Variants in DYM observed in about 807,000 individuals in gnomAD.
DYM encodes dymeclin.
A neutral mutation model predicts 93.1 loss-of-function variants in DYM; 78 were observed. That is an observed-to-expected ratio of 0.84 (90% CI 0.70 to 1.01). DYM has a LOEUF of 1.01. DYM is among the 50% of genes least tolerant of loss of function. DYM has a pLI of 0.00. For synonymous variants in DYM, 321 were observed against 319.7 expected, an observed-to-expected ratio of 1.00 and a Z score of -0.04; for missense variants, 789 against 845.0, an observed-to-expected ratio of 0.93 and a Z score of 0.82.
At chr18:49,447,422 T>C (rs2082183519) in intron 1 of DYM, 1 of 152,252 alleles carries the variant, frequency 6.6e-6, no homozygotes, top group African/African-American at 2.4e-5. Flanking sequence ...ACACCCCAGA[T>C]AGTGTAGCCA....
intron 3 of DYM, among the ~76,000 whole-genome samples, chr18:49,389,507 C>T (rs1026411109): frequency 5.9e-5 from 9 of 151,662 alleles, no homozygotes; most frequent in Admixed American, 2.0e-4. Context: ...TGCTTTTTTT[C>T]GCCCCTAGAT....
intron 15 of DYM, among the ~76,000 whole-genome samples, chr18:49,157,154 T>C (rs942000083): frequency 3.9e-5 from 6 of 152,172 alleles, no homozygotes; most frequent in Non-Finnish European, 8.8e-5. Flanking sequence ...GTCAAGTAAC[T>C]ACCCAGATGT....
chr18:49,284,500 A>G (rs900160409), intron 9 of DYM, among the ~76,000 whole-genome samples: 3 of 152,182 alleles, frequency 2.0e-5, no homozygotes, highest in Non-Finnish European at 4.4e-5. Context: ...AGTAGATACC[A>G]TATACTGAAT....
chr18:49,286,649 G>T, intron 8 of DYM, 33 bp from the exon 9 acceptor site: 1 of 1,595,162 alleles, frequency 6.3e-7, no homozygotes, highest in Non-Finnish European at 8.6e-7. Flanking sequence ...AGGATGTGCT[G>T]CCACCAATGA....
intron 17 of DYM, among the ~76,000 whole-genome samples, chr18:49,056,671 G>A (rs1309866153): frequency 6.6e-6 from 1 of 151,896 alleles, no homozygotes; most frequent in African/African-American, 2.4e-5. Context: ...CCTAGTAGCA[G>A]GGACTACAGG....
chr18:49,448,834 G>A (rs1048726148), intron 1 of DYM, among the ~76,000 whole-genome samples: 11 of 152,196 alleles, frequency 7.2e-5, no homozygotes, highest in African/African-American at 2.7e-4. Context: ...CTTTTGCACA[G>A]GGCATGGCCT....
At chr18:49,068,601 GAAC>G (rs1474583149) in intron 17 of DYM, among the ~76,000 whole-genome samples, 1 of 152,198 alleles carries the variant, frequency 6.6e-6, no homozygotes, top group Admixed American at 6.5e-5. Flanking sequence ...TGACAAGCCA[GAAC>G]AACTCCAAAA....
intron 8 of DYM, among the ~76,000 whole-genome samples, chr18:49,317,579 CT>C (rs1568235600): frequency 1.2e-3 from 14 of 11,736 alleles, no homozygotes; most frequent in African/African-American, 9.2e-3. Flanking sequence ...CTCTCTCTCT[CT>C]CTCTCTCTCT....
chr18:49,236,626 G>A (rs1000435705), intron 13 of DYM, among the ~76,000 whole-genome samples: 4 of 152,180 alleles, frequency 2.6e-5, no homozygotes, highest in African/African-American at 9.7e-5. Flanking sequence ...GCAAGATTCA[G>A]GAAGGGAAAT....
At chr18:49,411,839 G>GA (rs957943361) in intron 2 of DYM, 27 of 152,044 alleles carry the variant, frequency 1.8e-4, no homozygotes, top group South Asian at 2.1e-4. Flanking sequence ...GATATAACCT[G>GA]AAAAAATCAA....
chr18:49,059,338 C>G (rs1025052508), intron 17 of DYM, among the ~76,000 whole-genome samples: 3 of 152,174 alleles, frequency 2.0e-5, no homozygotes, highest in Non-Finnish European at 4.4e-5. Flanking sequence ...TTATAAGCCT[C>G]CCATTCCACA....
At chr18:49,088,821 C>A (rs1013777317) in intron 17 of DYM, among the ~76,000 whole-genome samples, 1 of 152,086 alleles carries the variant, frequency 6.6e-6, no homozygotes, top group Non-Finnish European at 1.5e-5. Context: ...CTAAAATAAT[C>A]TTGTCTGTCA....
chr18:49,388,843 C>G (rs1568361134), intron 3 of DYM, among the ~76,000 whole-genome samples: 2 of 149,334 alleles, frequency 1.3e-5, no homozygotes, highest in African/African-American at 4.9e-5. Flanking sequence ...AAATTAACGT[C>G]TATCTAAAAT....
intron 15 of DYM, among the ~76,000 whole-genome samples, chr18:49,129,986 C>A (rs1254104748): frequency 6.6e-6 from 1 of 152,116 alleles, no homozygotes; most frequent in African/African-American, 2.4e-5. Context: ...AAAAAACTTT[C>A]TAGTTCTGGG....
chr18:49,130,590 G>A (rs1434915026), intron 15 of DYM, among the ~76,000 whole-genome samples: 1 of 152,042 alleles, frequency 6.6e-6, no homozygotes, highest in African/African-American at 2.4e-5. Context: ...TTTTATATGA[G>A]AAGTGCCTAT....
At chr18:49,092,635 G>C (rs544203091) in intron 17 of DYM, among the ~76,000 whole-genome samples, 49 of 152,284 alleles carry the variant, frequency 3.2e-4, no homozygotes, top group African/African-American at 1.1e-3. Flanking sequence ...GCTGCAGTAG[G>C]AAGAAACAAA....
chr18:49,145,131 ATATAATT>A (rs1600115708), intron 15 of DYM, among the ~76,000 whole-genome samples: 1 of 116,904 alleles, frequency 8.6e-6, no homozygotes, highest in East Asian at 2.4e-4. Context: ...ATATATATAT[ATATAATT>A]TATATATATA....
chr18:49,379,603 A>C, intron 4 of DYM, 62 bp downstream of exon 4: 2 of 1,335,824 alleles, frequency 1.5e-6, no homozygotes, highest in Non-Finnish European at 2.2e-6. Flanking sequence ...TCCATCAATA[A>C]ATGAAAACTA....
intron 8 of DYM, among the ~76,000 whole-genome samples, chr18:49,330,623 C>T (rs1291952056): frequency 2.0e-5 from 3 of 152,120 alleles, no homozygotes; most frequent in African/African-American, 4.8e-5. Flanking sequence ...CAGGCTTATA[C>T]TATCTCTGCC....
Sources: allele counts gnomAD v4.1 joint callset (sites outside exome capture counted in the v4.1 genomes callset), GRCh38; gene constraint gnomAD v4.1.1; transcripts MANE v1.5; gene names NCBI Gene and HGNC (gene_info 2026-07-23, HGNC 2026-07-21).